Variants in PEBP4 observed in about 807,000 individuals in gnomAD.
PEBP4 encodes the protein phosphatidylethanolamine binding protein 4.
Under a neutral mutation model 23.9 loss-of-function variants are expected in PEBP4, and 22 were observed. That is an observed-to-expected ratio of 0.92 (90% CI 0.66 to 1.31). The LOEUF (loss-of-function observed/expected upper bound fraction) is 1.31. Among genes scored for constraint, PEBP4 ranks in the 40% most tolerant of loss-of-function variants. PEBP4 has a pLI of 0.00. For missense variants in PEBP4, 324 were observed against 281.7 expected, an observed-to-expected ratio of 1.15 and a Z score of -1.07; for synonymous variants, 112 against 99.3, an observed-to-expected ratio of 1.13 and a Z score of -0.76.
At chr8:22,795,335 C>T (rs1157454939) in intron 4 of PEBP4, among the ~76,000 whole-genome samples, 2 of 151,178 alleles carry the variant, frequency 1.3e-5, no homozygotes, top group Non-Finnish European at 3.0e-5. Context: ...GCCACCACTC[C>T]GGGCTAATTT....
At chr8:22,839,838 T>G (rs1052525174) in intron 3 of PEBP4, among the ~76,000 whole-genome samples, 3 of 152,088 alleles carry the variant, frequency 2.0e-5, no homozygotes, top group African/African-American at 7.2e-5. Flanking sequence ...GAAAATGGTG[T>G]TTTTTACCCC....
chr8:22,766,550 C>T (rs1232046650), intron 4 of PEBP4, among the ~76,000 whole-genome samples: 2 of 152,208 alleles, frequency 1.3e-5, no homozygotes, highest in African/African-American at 4.8e-5. Flanking sequence ...GACAGGAACA[C>T]CTGTGCACCA....
intron 4 of PEBP4, among the ~76,000 whole-genome samples, chr8:22,736,251 A>T (rs1219712171): frequency 6.6e-6 from 1 of 152,166 alleles, no homozygotes; most frequent in African/African-American, 2.4e-5. Flanking sequence ...GGGTGGGGTT[A>T]AGAAGAAGGA....
chr8:22,779,941 G>A (rs889627944), intron 4 of PEBP4, among the ~76,000 whole-genome samples: 3 of 149,774 alleles, frequency 2.0e-5, no homozygotes, highest in Non-Finnish European at 3.0e-5. Flanking sequence ...CAGGCATCTT[G>A]TTTTTTTAAA....
At chr8:22,883,283 C>G (rs932791888) in intron 3 of PEBP4, among the ~76,000 whole-genome samples, 1 of 152,178 alleles carries the variant, frequency 6.6e-6, no homozygotes, top group Non-Finnish European at 1.5e-5. Flanking sequence ...CCCAAGGAGG[C>G]AGCAGAAAGT....
chr8:22,790,213 CTTCA>C (rs1187491365), intron 4 of PEBP4, among the ~76,000 whole-genome samples: 2 of 152,158 alleles, frequency 1.3e-5, no homozygotes. Context: ...TCCTTCCTTC[CTTCA>C]TTCACTCATT....
chr8:22,789,606 G>T (rs148617101), intron 4 of PEBP4, among the ~76,000 whole-genome samples: 1 of 152,124 alleles, frequency 6.6e-6, no homozygotes, highest in African/African-American at 2.4e-5. Flanking sequence ...AAAGTACCTG[G>T]GCCCACTGCA....
chr8:22,740,859 T>C (rs550004200), intron 4 of PEBP4, among the ~76,000 whole-genome samples: 1 of 152,234 alleles, frequency 6.6e-6, no homozygotes, highest in South Asian at 2.1e-4. Context: ...CCCAAGTTAG[T>C]GACTCTGGGT....
In PEBP4 at chr8:22,727,163, G is replaced by T; in HGVS notation, c.403+12C>A. The T allele has an allele frequency of 6.2e-7, 1 of 1,613,822 alleles. No homozygotes were observed. Among genetic ancestry groups the T allele is most frequent in the Non-Finnish European group, 8.5e-7 (1 of 1,179,896 alleles). ...CCTGGCTGGGGGAAGGGGTCCCTAGGGTCTTACTCACCTGATAACTCCTGG... is the reference window on the plus strand; with the variant it reads ...CCTGGCTGGGGGAAGGGGTCCCTAGTGTCTTACTCACCTGATAACTCCTGG... On this transcript the variant is annotated intron_variant, in intron 5 of 6. Transcript: ENST00000256404.
intron 4 of PEBP4, among the ~76,000 whole-genome samples, chr8:22,795,185 T>A (rs1361755748): frequency 3.0e-4 from 29 of 95,460 alleles, no homozygotes; most frequent in African/African-American, 1.0e-3. Flanking sequence ...TTTTTTTTTT[T>A]TTTTTTTTGA....
intron 4 of PEBP4, among the ~76,000 whole-genome samples, chr8:22,802,964 A>G (rs879858592): frequency 3.9e-5 from 6 of 152,192 alleles, no homozygotes; most frequent in Non-Finnish European, 8.8e-5. Flanking sequence ...GTCACCAGCT[A>G]GCAAGCGGCC....
rs140900653 is a variant in PEBP4, at chr8:22,897,027, ATGTGTGTG to A, written c.258+23149_258+23156del. ...TATATATACACATATATCTGTGTGTATGTGTGTGTGTGTGTGTGTATGTATATATATAT... is the reference window on the plus strand; with the variant it reads ...TATATATACACATATATCTGTGTGTATGTGTGTGTGTATGTATATATATAT... On this transcript the variant is annotated intron_variant, in intron 3 of 6. Transcript: ENST00000256404. Among the ~76,000 whole-genome samples, 1,378 of 149,112 alleles carry A rather than the reference ATGTGTGTG, an allele frequency of 9.2e-3. 9 individuals carry two copies. Among genetic ancestry groups the A allele is most frequent in the Non-Finnish European group, 0.016 (1,051 of 67,202 alleles).
At chr8:22,821,952 T>A (rs1338285488) in intron 3 of PEBP4, among the ~76,000 whole-genome samples, 1 of 138,536 alleles carries the variant, frequency 7.2e-6, no homozygotes, top group South Asian at 2.3e-4. Flanking sequence ...GCCATTGCAC[T>A]CCAGCCTGGG....
At chr8:22,785,055 C>A (rs1031020495) in intron 4 of PEBP4, among the ~76,000 whole-genome samples, 3 of 152,192 alleles carry the variant, frequency 2.0e-5, no homozygotes, top group African/African-American at 7.2e-5. Context: ...CCCAGTGTGT[C>A]TAGAACACTT....
chr8:22,718,297 G>A (rs1054688142), intron 6 of PEBP4, among the ~76,000 whole-genome samples: 8 of 152,194 alleles, frequency 5.3e-5, no homozygotes, highest in Non-Finnish European at 1.2e-4. Context: ...AGCTGGGGTT[G>A]GGGCAGGAAA....
At chr8:22,935,168 A>C (rs6984433) in intron 1 of PEBP4, among the ~76,000 whole-genome samples, 1 of 152,134 alleles carries the variant, frequency 6.6e-6, no homozygotes, top group Non-Finnish European at 1.5e-5. Context: ...AGTAATTGGA[A>C]ATTTCAGTAC....
chr8:22,845,156 T>C (rs1215065894), intron 3 of PEBP4, among the ~76,000 whole-genome samples: 1 of 152,144 alleles, frequency 6.6e-6, no homozygotes, highest in Non-Finnish European at 1.5e-5. Context: ...CCTTGAAGGA[T>C]GAAGGAAGAC....
intron 4 of PEBP4, chr8:22,754,934 C>G (rs935182756): frequency 1.3e-5 from 2 of 152,260 alleles, no homozygotes; most frequent in African/African-American, 4.8e-5. Context: ...GAGACTCCTT[C>G]CGGCTCTTAA....
intron 1 of PEBP4, among the ~76,000 whole-genome samples, chr8:22,939,541 T>C (rs889272600): frequency 6.6e-6 from 1 of 152,066 alleles, no homozygotes; most frequent in Non-Finnish European, 1.5e-5. Context: ...GTTAAGTTCA[T>C]GAATGCTAGC....
Sources: allele counts gnomAD v4.1 joint callset (sites outside exome capture counted in the v4.1 genomes callset), GRCh38; gene constraint gnomAD v4.1.1; transcripts MANE v1.5; gene names NCBI Gene and HGNC (gene_info 2026-07-23, HGNC 2026-07-21).